FARS2: variants seen among roughly 807,000 people sequenced by gnomAD.
FARS2 encodes the protein phenylalanine--tRNA ligase, mitochondrial.
Under a neutral mutation model 46.4 loss-of-function variants are expected in FARS2, and 40 were observed. That is an observed-to-expected ratio of 0.86 (90% CI 0.67 to 1.12). The LOEUF (loss-of-function observed/expected upper bound fraction) is 1.12. Among genes scored for constraint, FARS2 ranks in the 50% most tolerant of loss-of-function variants. The probability of loss-of-function intolerance (pLI) is 0.00; values close to 1 mark genes in which losing one functional copy is unlikely to be tolerated. For missense variants in FARS2, 513 were observed against 567.9 expected (o/e 0.90, Z 0.98); for synonymous variants, 234 against 214.9 (o/e 1.09, Z -0.78).
intron 6 of FARS2, among the ~76,000 whole-genome samples, chr6:5,672,999 C>G (rs1428392351): frequency 1.3e-5 from 2 of 152,154 alleles, no homozygotes; most frequent in Non-Finnish European, 2.9e-5. Context: ...AACCAAAGAC[C>G]TTTGGGGCTG....
chr6:5,344,888 C>T (rs1243074045), intron 1 of FARS2, among the ~76,000 whole-genome samples: 1 of 151,472 alleles, frequency 6.6e-6, no homozygotes, highest in Non-Finnish European at 1.5e-5. Context: ...CTCCTGGGTT[C>T]AAACAATTCT....
At chr6:5,548,543 A>G (rs1479899866) in intron 5 of FARS2, among the ~76,000 whole-genome samples, 1 of 152,178 alleles carries the variant, frequency 6.6e-6, no homozygotes, top group Non-Finnish European at 1.5e-5. Flanking sequence ...ACTTTTTCTC[A>G]TTCTCTTTTT....
chr6:5,554,320 G>T lies in FARS2; in HGVS notation c.1065+8980G>T, dbSNP rs369662248. Among the ~76,000 whole-genome samples the T allele has an allele frequency of 5.3e-5, 8 of 152,300 alleles. No individual in the cohort carries two copies. The South Asian group carries it at 8.3e-4, about 16-fold the overall frequency. ...CTTCAGAAAAAAGGAAGCTAAAGAC[G>T]AGGAAAGAAGAGAAAGGGCAAAGAA... On this transcript the variant is annotated intron_variant, in intron 5 of 6. Transcript: ENST00000274680.
At chr6:5,488,012 G>C (rs1285035931) in intron 4 of FARS2, among the ~76,000 whole-genome samples, 3 of 152,196 alleles carry the variant, frequency 2.0e-5, no homozygotes, top group African/African-American at 7.2e-5. Context: ...TTGAAGCAGT[G>C]TTCTTTGCTT....
intron 5 of FARS2, among the ~76,000 whole-genome samples, chr6:5,567,323 T>A (rs1426614414): frequency 6.6e-6 from 1 of 152,226 alleles, no homozygotes; most frequent in East Asian, 1.9e-4. Flanking sequence ...TGGAGAAATG[T>A]CCTTTCGAGT....
At chr6:5,410,157 GT>G (rs67469826) in intron 3 of FARS2, among the ~76,000 whole-genome samples, 69,871 of 136,588 alleles carry the variant, frequency 0.51, 17,456 homozygotes, top group African/African-American at 0.61. Flanking sequence ...GTGTTTTTTT[GT>G]TTTTTTTTTT....
intron 2 of FARS2, among the ~76,000 whole-genome samples, chr6:5,388,620 C>T (rs1455512362): frequency 6.6e-6 from 1 of 152,082 alleles, no homozygotes; most frequent in African/African-American, 2.4e-5. Flanking sequence ...GTTTTTACTT[C>T]ACTCTCAGCA....
chr6:5,319,199 A>G (rs2753250), intron 1 of FARS2, among the ~76,000 whole-genome samples: 104,938 of 151,912 alleles, frequency 0.69, 36,996 homozygotes, highest in African/African-American at 0.82. Context: ...GGTCACTACC[A>G]GTGCCAGGGA....
rs142722955 is a variant in FARS2 at position 5,475,527 on chromosome 6, C to T, written c.904+44355C>T. On this transcript the variant is annotated intron_variant, in intron 4 of 6. Coordinates refer to ENST00000274680, the MANE Select transcript of FARS2 (RefSeq NM_006567.5). ...GTTTCAGACTAGGACTCTCCCCTGA[C>T]CACAGTCCTCCAAAAACTTCCCATG... 5.6e-3 allele frequency among the ~76,000 whole-genome samples: 859 copies of T among 152,300 alleles called. 7 individuals carry two copies. Among genetic ancestry groups the T allele is most frequent in the African/African-American group, 0.02 (816 of 41,562 alleles).
intron 1 of FARS2, among the ~76,000 whole-genome samples, chr6:5,358,812 A>G (rs923335377): frequency 6.6e-6 from 1 of 152,044 alleles, no homozygotes; most frequent in East Asian, 1.9e-4. Flanking sequence ...TTTCTTTTGG[A>G]ACTAAGTACT....
At chr6:5,408,832 G>A (rs1761767503) in intron 3 of FARS2, among the ~76,000 whole-genome samples, 1 of 152,168 alleles carries the variant, frequency 6.6e-6, no homozygotes, top group Non-Finnish European at 1.5e-5. Flanking sequence ...GGAACAAGAA[G>A]GAGCTGTGTA....
At chr6:5,675,720 C>CTTTACCAAATTCAGTAAAAAT (rs1778732005) in intron 6 of FARS2, among the ~76,000 whole-genome samples, 2 of 152,178 alleles carry the variant, frequency 1.3e-5, no homozygotes, top group South Asian at 4.1e-4. Flanking sequence ...GAGAGCTGAT[C>CTTTACCAAATTCAGTAAAAAT]TTTACCAAAT....
rs58922507 is a variant in FARS2, at chr6:5,717,908, CTATATATA to C, written c.1218-53362_1218-53355del. Among the ~76,000 whole-genome samples the C allele has an allele frequency of 2.9e-3, 226 of 77,720 alleles. 7 individuals are homozygous for C. The highest frequency in any genetic ancestry group is 8.9e-3 in the African/African-American group (214 of 24,070). The allele number at this position is 77,720 out of a possible 152,430, so 51.0% of individuals were successfully genotyped here. A position where few individuals can be genotyped will look rare whatever the true frequency, so the allele number is the denominator to read the frequency against. Reference sequence around the variant, plus strand: ...AGGCATGAAAATGAGAAGGTATCAGCTATATATATATATATATATATATATATACAGAG... The same window carrying C: ...AGGCATGAAAATGAGAAGGTATCAGCTATATATATATATATATATACAGAG... On this transcript the variant is annotated intron_variant, in intron 6 of 6. Transcript: ENST00000274680.
chr6:5,553,839 T>C (rs1771505689), intron 5 of FARS2, among the ~76,000 whole-genome samples: 1 of 152,138 alleles, frequency 6.6e-6, no homozygotes, highest in African/African-American at 2.4e-5. Flanking sequence ...CTCATGCTGC[T>C]GGTCCACGAG....
intron 4 of FARS2, among the ~76,000 whole-genome samples, chr6:5,536,805 C>T (rs566734213): frequency 6.6e-6 from 1 of 152,320 alleles, no homozygotes; most frequent in Non-Finnish European, 1.5e-5. Flanking sequence ...GAAAGATCTT[C>T]TCACTGTAGA....
intron 6 of FARS2, among the ~76,000 whole-genome samples, chr6:5,671,896 C>T (rs1421274504): frequency 6.6e-6 from 1 of 152,170 alleles, no homozygotes; most frequent in Non-Finnish European, 1.5e-5. Context: ...GGGGACTGTT[C>T]CCCAGAAGAC....
At chr6:5,351,612 G>C (rs958489279) in intron 1 of FARS2, among the ~76,000 whole-genome samples, 4 of 152,168 alleles carry the variant, frequency 2.6e-5, no homozygotes, top group African/African-American at 4.8e-5. Flanking sequence ...TAAAAGCAGG[G>C]TGGGGGAAAT....
At chr6:5,535,561 C>T (rs1387697161) in intron 4 of FARS2, among the ~76,000 whole-genome samples, 1 of 152,192 alleles carries the variant, frequency 6.6e-6, no homozygotes, top group African/African-American at 2.4e-5. Flanking sequence ...GTAGCGGTGA[C>T]TGTGAGCATC....
intron 6 of FARS2, among the ~76,000 whole-genome samples, chr6:5,750,656 A>G (rs1381748011): frequency 6.6e-6 from 1 of 152,140 alleles, no homozygotes; most frequent in Non-Finnish European, 1.5e-5. Context: ...GCAGCTCGCC[A>G]TGGTAGGGTT....
Sources: gnomAD v4.1 joint callset for allele counts (sites outside exome capture counted in the v4.1 genomes callset) on GRCh38, gnomAD v4.1.1 for gene constraint, MANE v1.5 for transcripts, NCBI Gene and HGNC (gene_info 2026-07-23, HGNC 2026-07-21) for gene names.